The following TMTC3 variants were observed in gnomAD, a reference collection of about 807,000 sequenced individuals.
The protein encoded by TMTC3 is protein O-mannosyl-transferase TMTC3.
Under a neutral mutation model 92.2 loss-of-function variants are expected in TMTC3, and 52 were observed. The ratio of observed to expected loss-of-function variants is 0.56; its 90% CI spans 0.45 to 0.71. TMTC3 has a LOEUF of 0.71. TMTC3 is among the 30% of genes least tolerant of loss of function. The pLI is 0.00. For synonymous variants in TMTC3, 339 were observed against 363.3 expected (o/e 0.93, Z 0.76); for missense variants, 896 against 1,057.1 (o/e 0.85, Z 2.11).
At chr12:88,157,673 G>T (rs1235747368) in intron 4 of TMTC3, among the ~76,000 whole-genome samples, 1 of 152,076 alleles carries the variant, frequency 6.6e-6, no homozygotes, top group Non-Finnish European at 1.5e-5. Context: ...ATAAGTGATT[G>T]CTGAAGATGT....
chr12:88,183,040 C>T (rs928220391), intron 10 of TMTC3, among the ~76,000 whole-genome samples: 1 of 152,158 alleles, frequency 6.6e-6, no homozygotes, highest in African/African-American at 2.4e-5. Context: ...TCTCCATTTG[C>T]CAGACTTTTG....
chr12:88,149,318 A>G (rs1161618431), intron 2 of TMTC3, among the ~76,000 whole-genome samples: 1 of 152,180 alleles, frequency 6.6e-6, no homozygotes, highest in African/African-American at 2.4e-5. Context: ...TATCATATAG[A>G]ATGGATTCTA....
chr12:88,144,459 T>C (rs1334848344), intron 1 of TMTC3, among the ~76,000 whole-genome samples: 1 of 152,158 alleles, frequency 6.6e-6, no homozygotes, highest in Non-Finnish European at 1.5e-5. Flanking sequence ...CTTACAAGTT[T>C]CGTTTGTCTG....
rs758166161 is a variant in TMTC3 at position 88,154,405 on chromosome 12, GA to G, written c.508+19del. On this transcript the variant is annotated intron_variant, in intron 4 of 13. Coordinates refer to ENST00000266712, the MANE Select transcript of TMTC3 (RefSeq NM_181783.4). ...TTCCATAAGTACATGTCTCACATTTGATTTTTTTTTAATAGTGCTAAAACTT... is the reference window on the plus strand; with the variant it reads ...TTCCATAAGTACATGTCTCACATTTGTTTTTTTTTAATAGTGCTAAAACTT... 4.5e-6 allele frequency: 7 copies of G among 1,544,232 alleles called. No homozygotes were observed. The Admixed American group carries it at 1.1e-4, about 24-fold the overall frequency.
At chr12:88,145,808 A>G (rs2040866244) in intron 1 of TMTC3, among the ~76,000 whole-genome samples, 1 of 152,218 alleles carries the variant, frequency 6.6e-6, no homozygotes, top group Admixed American at 6.5e-5. Flanking sequence ...GCTGTCTGCT[A>G]AGAACAAAAG....
At chr12:88,151,421 T>C (rs920155057) in intron 2 of TMTC3, among the ~76,000 whole-genome samples, 1 of 152,210 alleles carries the variant, frequency 6.6e-6, no homozygotes, top group Admixed American at 6.5e-5. Context: ...ATATCATGAG[T>C]AATTTTTTCT....
Position 88,148,253 on chromosome 12 carries a change from T to C in TMTC3, c.-28-35T>C. 3 of 1,364,158 alleles carry C rather than the reference T, an allele frequency of 2.2e-6. No homozygotes were observed. In the South Asian group the frequency reaches 4.1e-5, roughly 18 times the overall value. 84.5% of individuals were successfully genotyped at this position (1,364,158 alleles called of 1,614,324 possible). On this transcript the variant is annotated intron_variant, in intron 1 of 13. Transcript: ENST00000266712. ...AAATTGAACTTACTTGGAATAAATA[T>C]GTTCCTTATTTTATCTTCATGATTT...
At chr12:88,180,603 C>T (rs952328254) in intron 10 of TMTC3, among the ~76,000 whole-genome samples, 9 of 152,142 alleles carry the variant, frequency 5.9e-5, no homozygotes, top group Non-Finnish European at 1.0e-4. Flanking sequence ...TTCAGCATCC[C>T]GCAGGTAATG....
At chr12:88,192,879 A>G in intron 13 of TMTC3, 49 bp downstream of exon 13, 3 of 1,457,612 alleles carry the variant, frequency 2.1e-6, no homozygotes, top group Non-Finnish European at 1.9e-6. Context: ...AGTTTATAAT[A>G]TAATAAGACC....
At chr12:88,165,492 A>G (rs2041133666) in intron 6 of TMTC3, among the ~76,000 whole-genome samples, 1 of 152,062 alleles carries the variant, frequency 6.6e-6, no homozygotes, top group Non-Finnish European at 1.5e-5. Flanking sequence ...ATTTATTTTT[A>G]TCAAATATTT....
At chr12:88,145,756 C>T (rs1329329212) in intron 1 of TMTC3, among the ~76,000 whole-genome samples, 2 of 152,140 alleles carry the variant, frequency 1.3e-5, no homozygotes, top group Non-Finnish European at 2.9e-5. Context: ...GATGAATGTC[C>T]TAAAGTAGCT....
chr12:88,168,056 C>T (rs375252379), intron 7 of TMTC3, among the ~76,000 whole-genome samples: 4 of 152,120 alleles, frequency 2.6e-5, no homozygotes, highest in East Asian at 3.8e-4. Flanking sequence ...GGGCTAAATA[C>T]AGTGAAAAGA....
At chr12:88,185,846 A>G (rs949039301) in intron 10 of TMTC3, among the ~76,000 whole-genome samples, 1 of 152,098 alleles carries the variant, frequency 6.6e-6, no homozygotes, top group African/African-American at 2.4e-5. Flanking sequence ...GGATATCATC[A>G]ATTGATTTCA....
At chr12:88,172,285 A>AT (rs1377922770) in intron 7 of TMTC3, among the ~76,000 whole-genome samples, 1 of 151,972 alleles carries the variant, frequency 6.6e-6, no homozygotes, top group African/African-American at 2.4e-5. Flanking sequence ...TCAAGGAGTA[A>AT]TCACTCCCAA....
intron 6 of TMTC3, among the ~76,000 whole-genome samples, chr12:88,161,862 T>C (rs1276371503): frequency 4.6e-5 from 7 of 151,440 alleles, no homozygotes; most frequent in Non-Finnish European, 8.9e-5. Context: ...ATTTTATATA[T>C]GTAAGAACTT....
intron 6 of TMTC3, among the ~76,000 whole-genome samples, chr12:88,163,863 C>T (rs912330236): frequency 5.3e-5 from 8 of 152,016 alleles, no homozygotes; most frequent in South Asian, 2.1e-4. Flanking sequence ...CCCACTACAC[C>T]GACCATGGGT....
chr12:88,151,246 C>G (rs903699697), intron 2 of TMTC3, among the ~76,000 whole-genome samples: 1 of 152,056 alleles, frequency 6.6e-6, no homozygotes, highest in Non-Finnish European at 1.5e-5. Flanking sequence ...CTGTAATGAG[C>G]CACCTTCCTC....
chr12:88,152,159 GT>G (rs897669614), intron 2 of TMTC3, among the ~76,000 whole-genome samples: 1 of 152,160 alleles, frequency 6.6e-6, no homozygotes, highest in African/African-American at 2.4e-5. Context: ...AGGAAAATAT[GT>G]TTATTTGGCA....
chr12:88,160,913 A>G, intron 6 of TMTC3, 62 bp downstream of exon 6: 1 of 1,450,164 alleles, frequency 6.9e-7, no homozygotes, highest in Non-Finnish European at 9.4e-7. Flanking sequence ...TTTAATGATC[A>G]TAAATGTTGA....
Sources: allele counts gnomAD v4.1 joint callset (sites outside exome capture counted in the v4.1 genomes callset), GRCh38; gene constraint gnomAD v4.1.1; transcripts MANE v1.5; gene names NCBI Gene and HGNC (gene_info 2026-07-23, HGNC 2026-07-21).